MCC: variants seen among roughly 807,000 people sequenced by gnomAD.
MCC encodes the protein colorectal mutant cancer protein.
In MCC, 90 loss-of-function variants were observed where a neutral mutation model predicts 116.2. The observed-to-expected ratio is 0.77, with a 90% confidence interval of 0.65 to 0.92. The LOEUF (loss-of-function observed/expected upper bound fraction) is 0.92, where lower values mean the gene tolerates loss of function less well. MCC is among the 40% of genes least tolerant of loss of function. The pLI is 0.00. For missense variants in MCC, 1,516 were observed against 1,312.2 expected, an observed-to-expected ratio of 1.16 and a Z score of -2.40; for synonymous variants, 578 against 510.5, an observed-to-expected ratio of 1.13 and a Z score of -1.78.
chr5:113,135,000 G>A (rs1187525682), intron 5 of MCC, among the ~76,000 whole-genome samples: 1 of 148,432 alleles, frequency 6.7e-6, no homozygotes, highest in Non-Finnish European at 1.5e-5. Flanking sequence ...GGAGTGCAGT[G>A]GCCCGATCTC....
At chr5:113,307,414 A>G (rs1767016990) in intron 3 of MCC, among the ~76,000 whole-genome samples, 1 of 152,162 alleles carries the variant, frequency 6.6e-6, no homozygotes, top group South Asian at 2.1e-4. Context: ...AATCTATTGT[A>G]AATGAAATGT....
intron 8 of MCC, among the ~76,000 whole-genome samples, chr5:113,089,028 C>G (rs963198142): frequency 5.3e-5 from 8 of 152,184 alleles, no homozygotes; most frequent in Non-Finnish European, 8.8e-5. Flanking sequence ...CAGGGCTAAC[C>G]TGAGGCAGGG....
At chr5:113,041,629 C>G (rs1188123676) in intron 17 of MCC, among the ~76,000 whole-genome samples, 2 of 152,000 alleles carry the variant, frequency 1.3e-5, no homozygotes, top group Non-Finnish European at 2.9e-5. Flanking sequence ...CTGATATGAC[C>G]CAGCTGACAG....
At chr5:113,447,919 C>T (rs1771269201) in intron 1 of MCC, among the ~76,000 whole-genome samples, 1 of 152,114 alleles carries the variant, frequency 6.6e-6, no homozygotes, top group Non-Finnish European at 1.5e-5. Context: ...AGCAAGACAG[C>T]AAAATAGCTG....
intron 3 of MCC, among the ~76,000 whole-genome samples, chr5:113,268,857 T>C (rs1350790371): frequency 2.6e-5 from 4 of 152,126 alleles, no homozygotes; most frequent in Non-Finnish European, 5.9e-5. Context: ...ACACACCACC[T>C]TGGAGGAGCC....
chr5:113,095,478 G>A (rs1260505222), intron 8 of MCC, among the ~76,000 whole-genome samples: 4 of 152,136 alleles, frequency 2.6e-5, no homozygotes, highest in Non-Finnish European at 5.9e-5. Context: ...ACAAATAAGT[G>A]TTTGAAATAT....
intron 1 of MCC, among the ~76,000 whole-genome samples, chr5:113,389,079 C>T (rs574801224): frequency 6.6e-6 from 1 of 152,278 alleles, no homozygotes; most frequent in South Asian, 2.1e-4. Flanking sequence ...CTATGTTACA[C>T]ATGAATGAGA....
chr5:113,376,172 C>T (rs1768975765), intron 2 of MCC, among the ~76,000 whole-genome samples: 2 of 152,200 alleles, frequency 1.3e-5, no homozygotes, highest in Non-Finnish European at 2.9e-5. Flanking sequence ...TCCAAGCACA[C>T]ATTTCTTATT....
intron 3 of MCC, among the ~76,000 whole-genome samples, chr5:113,248,581 T>C (rs1368861985): frequency 1.3e-5 from 2 of 152,170 alleles, no homozygotes; most frequent in Admixed American, 6.5e-5. Flanking sequence ...GTATATGAAA[T>C]TGGCTGCTTC....
rs62374708 is a variant in MCC, at chr5:113,101,741, T to G, written c.1396A>C (p.Arg466=). 33,816 of 1,612,898 alleles carry G rather than the reference T, an allele frequency of 0.021. 1,911 individuals carry two copies. In the African/African-American group the frequency reaches 0.21, roughly 10 times the overall value. Residue 466 remains arginine, a splice_region_variant and synonymous_variant, in exon 8 of 19, where the codon AGG becomes CGG. Transcript: ENST00000408903. Reference sequence around the variant, plus strand: ...CATTATGGATGCAGCATGCTCACCCTCCTCCGGAGCCGGTCCCGCTCTTCC... The same window carrying G: ...CATTATGGATGCAGCATGCTCACCCGCCTCCGGAGCCGGTCCCGCTCTTCC... ...IREERDRLRR[R]VRELQTRLQS...
rs544904584 is a variant in MCC, at chr5:113,094,751, A to T, written c.1398+6988T>A. Among the ~76,000 whole-genome samples the T allele has an allele frequency of 8.8e-4, 134 of 152,236 alleles. 2 individuals carry two copies. Among genetic ancestry groups the T allele is most frequent in the African/African-American group, 3.0e-3 (126 of 41,556 alleles). ...CCTAATTTCTTACCAGCTTTTTGACAAATTGAGTCAGCTTCTTTCATGACA... is the reference window on the plus strand; with the variant it reads ...CCTAATTTCTTACCAGCTTTTTGACTAATTGAGTCAGCTTCTTTCATGACA... On this transcript the variant is annotated intron_variant, in intron 8 of 18. Coordinates refer to ENST00000408903, the MANE Select transcript of MCC (RefSeq NM_001085377.2).
At chr5:113,369,048 T>C (rs1768772316) in intron 2 of MCC, among the ~76,000 whole-genome samples, 1 of 152,128 alleles carries the variant, frequency 6.6e-6, no homozygotes, top group Admixed American at 6.5e-5. Flanking sequence ...GGGTAAGGCA[T>C]GTGGGAGGGG....
At chr5:113,455,225 C>T (rs1282834324) in intron 1 of MCC, among the ~76,000 whole-genome samples, 2 of 152,212 alleles carry the variant, frequency 1.3e-5, no homozygotes, top group African/African-American at 4.8e-5. Flanking sequence ...TCAGCTGATG[C>T]CCCATTCCTG....
At chr5:113,291,688 G>A (rs943783916) in intron 3 of MCC, among the ~76,000 whole-genome samples, 14 of 152,286 alleles carry the variant, frequency 9.2e-5, no homozygotes, top group Admixed American at 8.5e-4. Context: ...TCTGCTTCCA[G>A]GTGAGGAGGA....
chr5:113,427,173 T>C (rs1770507295), intron 1 of MCC, among the ~76,000 whole-genome samples: 2 of 152,248 alleles, frequency 1.3e-5, no homozygotes, highest in South Asian at 4.1e-4. Context: ...TAATTTTGAA[T>C]GTATCATATA....
intron 3 of MCC, among the ~76,000 whole-genome samples, chr5:113,313,726 A>T (rs1767195456): frequency 1.3e-5 from 2 of 152,188 alleles, no homozygotes; most frequent in South Asian, 4.1e-4. Flanking sequence ...TTCTAAATAG[A>T]TATTCCATAT....
intron 3 of MCC, among the ~76,000 whole-genome samples, chr5:113,266,181 G>A (rs10519348): frequency 0.14 from 21,633 of 151,846 alleles, 2,073 homozygotes; most frequent in Non-Finnish European, 0.2. Flanking sequence ...CCTGGCTGGA[G>A]TCAACCTCTA....
intron 3 of MCC, among the ~76,000 whole-genome samples, chr5:113,263,816 C>G (rs1765305821): frequency 1.3e-5 from 2 of 151,746 alleles, no homozygotes; most frequent in African/African-American, 4.8e-5. Context: ...TTGCATTCCA[C>G]ACAGATCAAG....
intron 1 of MCC, among the ~76,000 whole-genome samples, chr5:113,403,758 CA>C (rs1379956332): frequency 3.3e-5 from 5 of 152,318 alleles, no homozygotes; most frequent in African/African-American, 1.2e-4. Context: ...GAGCCAGACC[CA>C]GGGGTGAGAA....
Sources: allele counts gnomAD v4.1 joint callset (sites outside exome capture counted in the v4.1 genomes callset), GRCh38; gene constraint gnomAD v4.1.1; transcripts MANE v1.5; gene names NCBI Gene and HGNC (gene_info 2026-07-23, HGNC 2026-07-21).